The following DNAJC2 variants were observed in gnomAD, a reference collection of about 807,000 sequenced individuals.
DNAJC2 encodes the protein dnaJ homolog subfamily C member 2.
In DNAJC2, 32 loss-of-function variants were observed where a neutral mutation model predicts 94.0. The ratio of observed to expected loss-of-function variants is 0.34; its 90% CI spans 0.26 to 0.46. The LOEUF is 0.46. Ranked by LOEUF, DNAJC2 falls within the 20% of genes least tolerant of loss-of-function variation. The pLI is 1.00. For synonymous variants in DNAJC2, 210 were observed against 229.7 expected, an observed-to-expected ratio of 0.91 and a Z score of 0.77; for missense variants, 550 against 719.5, an observed-to-expected ratio of 0.76 and a Z score of 2.69.
chr7:103,336,167 CAAAA>C (rs1819166793), intron 3 of DNAJC2: 1 of 151,902 alleles, frequency 6.6e-6, no homozygotes, highest in African/African-American at 2.4e-5. Context: ...AATTCTGTCT[CAAAA>C]AAAGACAGTG....
intron 3 of DNAJC2, chr7:103,335,297 A>G (rs1393809423): frequency 2.0e-5 from 3 of 152,184 alleles, no homozygotes; most frequent in Non-Finnish European, 2.9e-5. Flanking sequence ...GCAAACAGTA[A>G]CTTTGCATTT....
chr7:103,329,144 T>G (rs945341189), intron 3 of DNAJC2: 3 of 366,762 alleles, frequency 8.2e-6, no homozygotes, highest in Non-Finnish European at 1.5e-5. Flanking sequence ...TCAGTTTTTC[T>G]TCTGACTCTG....
chr7:103,341,144 C>T (rs905918886), intron 2 of DNAJC2, among the ~76,000 whole-genome samples: 1 of 152,192 alleles, frequency 6.6e-6, no homozygotes, highest in Non-Finnish European at 1.5e-5. Context: ...GATTCAGTCA[C>T]AGGTCTGCCT....
rs559940336 is a variant in DNAJC2 at position 103,319,982 on chromosome 7, T to A, written c.1084-138A>T. On this transcript the variant is annotated intron_variant, in intron 10 of 16. Transcript: ENST00000379263. ...CCTGGAGGCGGAAATTGCAGCAAAC[T>A]GAGATCACGCCACTGCACTCCAGCC... 1.1e-5 allele frequency: 9 copies of A among 796,510 alleles called. No homozygotes were observed. In the South Asian group the frequency reaches 1.4e-4, roughly 13 times the overall value. The allele number at this position is 796,510 out of a possible 1,614,324, so 49.3% of individuals were successfully genotyped here.
At chr7:103,314,310 A>T (rs1443237793) in intron 15 of DNAJC2, 1 of 985,308 alleles carries the variant, frequency 1.0e-6, no homozygotes, top group Non-Finnish European at 1.2e-6. Flanking sequence ...CAAAACTCCT[A>T]TGAGAAATCA....
chr7:103,323,174 C>T (rs1215812355), intron 7 of DNAJC2, among the ~76,000 whole-genome samples: 3 of 152,284 alleles, frequency 2.0e-5, no homozygotes, highest in East Asian at 3.9e-4. Context: ...AGGTGATCTG[C>T]CCGCCTCAGC....
chr7:103,338,672 G>C (rs1024189685), intron 2 of DNAJC2, among the ~76,000 whole-genome samples: 2 of 151,972 alleles, frequency 1.3e-5, no homozygotes, highest in Non-Finnish European at 2.9e-5. Flanking sequence ...AGTGCTTTGG[G>C]AGGCTGAGGT....
intron 1 of DNAJC2, 64 bp downstream of exon 1, chr7:103,344,495 G>A (rs1353638430): frequency 3.8e-6 from 6 of 1,584,374 alleles, no homozygotes; most frequent in African/African-American, 2.7e-5. Flanking sequence ...CAGGGTTGCC[G>A]AGGCGGAGGA....
Position 103,344,743 on chromosome 7 carries a change from G to T in DNAJC2, c.-121C>A. The T allele has an allele frequency of 9.8e-7, 1 of 1,018,676 alleles. No homozygotes were observed. The highest frequency in any genetic ancestry group is 1.5e-6 in the Non-Finnish European group (1 of 677,284). The allele number at this position is 1,018,676 out of a possible 1,614,324, so 63.1% of individuals were successfully genotyped here. A position where few individuals can be genotyped will look rare whatever the true frequency, so the allele number is the denominator to read the frequency against. ...CGCGCCTTGGCTCTAAGACGCCCAG[G>T]AACCGGCGCATGGAGACGACCAGTA... On this transcript the variant is annotated 5_prime_UTR_variant, in exon 1 of 17. Coordinates refer to ENST00000379263, the MANE Select transcript of DNAJC2 (RefSeq NM_014377.3).
chr7:103,314,192 C>A, intron 15 of DNAJC2: 1 of 985,304 alleles, frequency 1.0e-6, no homozygotes. Flanking sequence ...GCCCTAAATA[C>A]CATAGATTTT....
At chr7:103,323,952 T>G (rs796959225) in intron 6 of DNAJC2, among the ~76,000 whole-genome samples, 13 of 152,340 alleles carry the variant, frequency 8.5e-5, no homozygotes, top group African/African-American at 3.1e-4. Context: ...TTCGCTAGTC[T>G]GTCAAGTCTG....
In DNAJC2 at chr7:103,315,774, T is replaced by A; in HGVS notation, c.1626A>T (p.Glu542Asp). 6.2e-7 allele frequency: 1 copy of A among 1,613,008 alleles called. No individual in the cohort carries two copies. The highest frequency in any genetic ancestry group is 2.2e-5 in the East Asian group (1 of 44,846). Residue 542 changes from glutamate (E) to aspartate (D), a missense_variant, in exon 15 of 17, where the codon GAA becomes GAT. Around this residue, in one of 2 missense-constraint regions of DNAJC2, gnomAD observed 271 missense variants for 302.6 expected, o/e 0.90. Coordinates refer to ENST00000379263, the MANE Select transcript of DNAJC2 (RefSeq NM_014377.3). ...VPQADNATPSERFEGPYTDFT... is the reference protein window; with the variant it reads ...VPQADNATPSDRFEGPYTDFT... Reference sequence around the variant, plus strand: ...AAAAGCAAAATTTACCTTCAAATCGTTCTGAAGGCGTTGCGTTGTCTGCTT... The same window carrying A: ...AAAAGCAAAATTTACCTTCAAATCGATCTGAAGGCGTTGCGTTGTCTGCTT...
At position 103,341,963 on chromosome 7, in the gene DNAJC2, G is replaced by C; in HGVS notation, c.65-9C>G. 1 of 1,556,160 alleles carries C rather than the reference G, an allele frequency of 6.4e-7. No individual in the cohort carries two copies. ...TTGACAGAGTGTAGAGGCTGTGATT[G>C]AAAGTGTTAAGAGAGGCTTCAGTGT... On this transcript the variant is annotated splice_polypyrimidine_tract_variant and intron_variant, in intron 1 of 16. Transcript: ENST00000379263.
rs1026178017 is a variant in DNAJC2 at position 103,329,041 on chromosome 7, C to T, written c.332-1287G>A. 4.1e-6 allele frequency: 5 copies of T among 1,229,058 alleles called. No homozygotes were observed. In the African/African-American group the frequency reaches 6.3e-5, roughly 16 times the overall value. The allele number at this position is 1,229,058 out of a possible 1,614,324, so 76.1% of individuals were successfully genotyped here. Reference sequence around the variant, plus strand: ...CATCCTTTTACCACAGCCTCAGCCACAGTACGTCTAATTATTTAAAATTTG... The same window carrying T: ...CATCCTTTTACCACAGCCTCAGCCATAGTACGTCTAATTATTTAAAATTTG... On this transcript the variant is annotated intron_variant, in intron 3 of 16. Coordinates refer to ENST00000379263, the MANE Select transcript of DNAJC2 (RefSeq NM_014377.3).
Position 103,312,439 on chromosome 7 carries a change from T to TC in DNAJC2, c.*129dup. ...AAGGTTGTTTTGTATTAATGGTCAG[T>TC]CTTTGTTCTCTGAGAAATTATGTTG... is the stretch of plus-strand genomic sequence containing the variant. On this transcript the variant is annotated 3_prime_UTR_variant, in exon 17 of 17. Coordinates refer to ENST00000379263, the MANE Select transcript of DNAJC2 (RefSeq NM_014377.3). The TC allele has an allele frequency of 1.3e-6, 2 of 1,517,232 alleles. No individual in the cohort carries two copies. Among genetic ancestry groups the TC allele is most frequent in the African/African-American group, 2.8e-5 (2 of 71,292 alleles). The allele number at this position is 1,517,232 out of a possible 1,614,324, so 94.0% of individuals were successfully genotyped here.
intron 1 of DNAJC2, chr7:103,344,290 C>T (rs953737363): frequency 4.3e-5 from 23 of 532,256 alleles, no homozygotes; most frequent in Non-Finnish European, 7.0e-5. Context: ...GGTTCCGTCC[C>T]GAAATGCTCA....
At chr7:103,327,505 G>T in intron 4 of DNAJC2, 151 bp downstream of exon 4, 1 of 683,816 alleles carries the variant, frequency 1.5e-6, no homozygotes, top group Non-Finnish European at 2.4e-6. Context: ...AGGCTCTGGG[G>T]TGATGATTAG....
intron 1 of DNAJC2, among the ~76,000 whole-genome samples, chr7:103,343,143 G>A (rs979455243): frequency 2.0e-5 from 3 of 151,932 alleles, no homozygotes; most frequent in Non-Finnish European, 4.4e-5. Context: ...GGGATTATAG[G>A]CGCCCGCCAC....
intron 15 of DNAJC2, chr7:103,314,523 C>G: frequency 1.0e-6 from 1 of 985,362 alleles, no homozygotes; most frequent in Non-Finnish European, 1.2e-6. Flanking sequence ...GGAAACAAGT[C>G]CCCCTAAGAA....
Sources: gnomAD v4.1 joint callset for allele counts (sites outside exome capture counted in the v4.1 genomes callset) on GRCh38, gnomAD v4.1.1 for gene constraint, gnomAD v4.1.1 regional missense constraint, MANE v1.5 for transcripts, NCBI Gene and HGNC (gene_info 2026-07-23, HGNC 2026-07-21) for gene names.